Variants in FAT4 observed in about 807,000 individuals in gnomAD.
FAT4 encodes the protein FAT atypical cadherin 4, also known as protocadherin Fat 4.
FAT4 carries 84 observed loss-of-function variants against 303.9 expected under a neutral mutation model. The ratio of observed to expected loss-of-function variants is 0.28; its 90% CI spans 0.23 to 0.33. The LOEUF (loss-of-function observed/expected upper bound fraction) is 0.33. Among genes scored for constraint, FAT4 ranks in the 10% least tolerant of loss-of-function variants. The probability of loss-of-function intolerance (pLI) is 1.00; values close to 1 mark genes in which losing one functional copy is unlikely to be tolerated. For synonymous variants in FAT4, 2,307 were observed against 2,298.8 expected (o/e 1.00, Z -0.10); for missense variants, 6,005 against 6,146.8 (o/e 0.98, Z 0.77).
In FAT4 at chr4:125,315,441, G is replaced by A. The variant is rs1730536017; in HGVS notation, c.-549G>A. 1.3e-5 allele frequency among the ~76,000 whole-genome samples: 2 copies of A among 152,114 alleles called. No individual in the cohort carries two copies. The highest frequency in any genetic ancestry group is 1.9e-4 in the East Asian group (1 of 5,172). Reference sequence around the variant, plus strand: ...AGTGGGCTTCTGACTGGGGCCGCCGGAGAACGACCCCCCCTGGCATGGTGA... The same window carrying A: ...AGTGGGCTTCTGACTGGGGCCGCCGAAGAACGACCCCCCCTGGCATGGTGA... On this transcript the variant is annotated 5_prime_UTR_variant, in exon 1 of 18. Transcript: ENST00000394329.
intron 2 of FAT4, among the ~76,000 whole-genome samples, chr4:125,332,856 G>C (rs999683236): frequency 1.3e-5 from 2 of 152,048 alleles, no homozygotes; most frequent in African/African-American, 4.8e-5. Context: ...ACGTTTTCCT[G>C]GACAGAAAAG....
chr4:125,416,406 A>T, intron 6 of FAT4, 42 bp from the exon 7 acceptor site: 1 of 1,510,632 alleles, frequency 6.6e-7, no homozygotes, highest in Non-Finnish European at 8.9e-7. Context: ...CATGAGATGC[A>T]TTGTTTGTTT....
rs1307785384 is a variant in FAT4 at position 125,319,139 on chromosome 4, C to G, written c.2728C>G (p.His910Asp). ...TGTGGTGGAGAATTGGCAGGCAGGTCACAGCATTTTCCAGGCCAAAGCTGT... is the reference window on the plus strand; with the variant it reads ...TGTGGTGGAGAATTGGCAGGCAGGTGACAGCATTTTCCAGGCCAAAGCTGT... ...VNVVENWQAG[H>D]SIFQAKAVDP... is the part of the protein sequence containing the mutation. The change falls in exon 2 of 18, where the codon CAC becomes GAC. Residue 910 changes from histidine to aspartate, a missense_variant. Transcript: ENST00000394329. 6.2e-7 allele frequency: 1 copy of G among 1,614,064 alleles called. No homozygotes were observed. Among genetic ancestry groups the G allele is most frequent in the Admixed American group, 1.7e-5 (1 of 60,024 alleles).
At chr4:125,423,623 G>A (rs888124697) in intron 7 of FAT4, among the ~76,000 whole-genome samples, 2 of 152,232 alleles carry the variant, frequency 1.3e-5, no homozygotes, top group African/African-American at 4.8e-5. Flanking sequence ...TCATGGAGCT[G>A]TGAGAAGAAG....
chr4:125,415,750 C>G lies in FAT4; in HGVS notation c.6787C>G (p.Pro2263Ala). The G allele has an allele frequency of 6.2e-7, 1 of 1,613,872 alleles. No individual in the cohort carries two copies. The highest frequency in any genetic ancestry group is 8.5e-7 in the Non-Finnish European group (1 of 1,179,864). The change falls in exon 6 of 18, where the codon CCA becomes GCA. Residue 2263 changes from proline (P) to alanine (A), a missense_variant. Transcript: ENST00000394329. Reference protein sequence around the residue: ...NDFVPVFELSPYSVNVPENLG... With the variant: ...NDFVPVFELSAYSVNVPENLG... ...CTTTGTTCCTGTATTTGAGCTATCTCCATATTCTGTAAATGTCCCTGAGAA... is the reference window on the plus strand; with the variant it reads ...CTTTGTTCCTGTATTTGAGCTATCTGCATATTCTGTAAATGTCCCTGAGAA...
intron 2 of FAT4, among the ~76,000 whole-genome samples, chr4:125,395,615 G>A (rs915120964): frequency 6.6e-6 from 1 of 152,014 alleles, no homozygotes; most frequent in Admixed American, 6.6e-5. Flanking sequence ...CACCGCGCCC[G>A]GCCATTATTC....
intron 2 of FAT4, among the ~76,000 whole-genome samples, chr4:125,362,223 C>T (rs1163055032): frequency 1.3e-5 from 2 of 152,012 alleles, no homozygotes; most frequent in African/African-American, 4.8e-5. Flanking sequence ...TGTGTTTACA[C>T]ATAAACATTT....
At chr4:125,339,396 C>T (rs976585385) in intron 2 of FAT4, among the ~76,000 whole-genome samples, 1 of 152,032 alleles carries the variant, frequency 6.6e-6, no homozygotes, top group Non-Finnish European at 1.5e-5. Flanking sequence ...CGGGGTTTCA[C>T]CGTGTTAGCC....
At chr4:125,480,483 T>C (rs1727188741) in intron 15 of FAT4, among the ~76,000 whole-genome samples, 1 of 152,268 alleles carries the variant, frequency 6.6e-6, no homozygotes, top group African/African-American at 2.4e-5. Flanking sequence ...CACATCTCAC[T>C]AACTAACCCT....
At chr4:125,344,094 G>T (rs1731907441) in intron 2 of FAT4, among the ~76,000 whole-genome samples, 1 of 152,128 alleles carries the variant, frequency 6.6e-6, no homozygotes. Flanking sequence ...TCAATTACTA[G>T]AATGCAAAAA....
chr4:125,399,473 A>G (rs1734303335), intron 3 of FAT4, among the ~76,000 whole-genome samples: 1 of 151,940 alleles, frequency 6.6e-6, no homozygotes, highest in Non-Finnish European at 1.5e-5. Context: ...AGTTTAACTA[A>G]TGTTCTGGAG....
At chr4:125,470,002 A>G (rs1726802586) in intron 12 of FAT4, among the ~76,000 whole-genome samples, 1 of 152,202 alleles carries the variant, frequency 6.6e-6, no homozygotes. Context: ...TGAAAGTCCA[A>G]GTGACTCTTT....
intron 8 of FAT4, among the ~76,000 whole-genome samples, chr4:125,443,401 A>G (rs939869332): frequency 1.3e-5 from 2 of 152,156 alleles, no homozygotes; most frequent in Non-Finnish European, 2.9e-5. Flanking sequence ...TTCCGTCTTC[A>G]CTACATTCCC....
intron 7 of FAT4, among the ~76,000 whole-genome samples, chr4:125,417,084 C>T (rs533552847): frequency 3.9e-4 from 59 of 152,124 alleles, no homozygotes; most frequent in Non-Finnish European, 5.6e-4. Flanking sequence ...ATTGATGGCA[C>T]ATCATTCACT....
rs1390304779 is a variant in FAT4, at chr4:125,317,039, C to T, written c.628C>T (p.Arg210Cys). The T allele has an allele frequency of 6.2e-7, 1 of 1,614,026 alleles. No homozygotes were observed. Among genetic ancestry groups the T allele is most frequent in the East Asian group, 2.2e-5 (1 of 44,854 alleles). Residue 210 changes from arginine (R) to cysteine (C), a missense_variant, in exon 2 of 18, where the codon CGT becomes TGT. Arg to Cys is a radical substitution (Grantham distance 180). Coordinates refer to ENST00000394329, the MANE Select transcript of FAT4 (RefSeq NM_001291303.3). This position sits in a 1 kb window ranked among gnomAD's most constrained non-coding sequence, Gnocchi z 7.0. The stretch of plus-strand genomic sequence containing the variant: ...TCTGGTGTCCAAGGGCGGACTGGAC[C>T]GTGAGGTCACTCCGCAGTACCAGCT... ...LHLVSKGGLDREVTPQYQLLV... is the reference protein window; with the variant it reads ...LHLVSKGGLDCEVTPQYQLLV...
rs555872298 is a variant in FAT4, at chr4:125,451,432, C to G, written c.10422C>G (p.Thr3474=). ...TTACTGCAGAATTAGATCGAGAAAC[C>G]CTTCCCATCTATAATCTCTCAGTTT... ...ITVTAELDRE[T]LPIYNLSVLA... Residue 3474 remains threonine (T), a synonymous_variant, in exon 10 of 18, where the codon ACC becomes ACG. Transcript: ENST00000394329. 3.1e-6 allele frequency: 5 copies of G among 1,614,098 alleles called. No homozygotes were observed. In the East Asian group the frequency reaches 6.7e-5, roughly 22 times the overall value.
Position 125,452,427 on chromosome 4 carries a change from A to T in FAT4, c.11417A>T (p.Asp3806Val). 6.2e-7 allele frequency: 1 copy of T among 1,613,760 alleles called. No individual in the cohort carries two copies. Among genetic ancestry groups the T allele is most frequent in the Non-Finnish European group, 8.5e-7 (1 of 1,179,956 alleles). The change falls in exon 10 of 18, where the codon GAC (aspartate) becomes GTC (valine). Residue 3806 changes from aspartate to valine, a missense_variant. Coordinates refer to ENST00000394329, the MANE Select transcript of FAT4 (RefSeq NM_001291303.3). ...SGVKVESVDH[D>V]SCVHGPCQNG... ...GTAAAGGTGGAATCTGTGGATCATG[A>T]CTCCTGTGTGCATGGCCCATGTCAG...
chr4:125,354,703 G>A (rs1408679829), intron 2 of FAT4, among the ~76,000 whole-genome samples: 1 of 147,422 alleles, frequency 6.8e-6, no homozygotes, highest in Non-Finnish European at 1.5e-5. Context: ...AAGAATGAAG[G>A]TAATATTGGT....
At chr4:125,366,718 G>A (rs1018318692) in intron 2 of FAT4, among the ~76,000 whole-genome samples, 10 of 151,908 alleles carry the variant, frequency 6.6e-5, no homozygotes, top group Non-Finnish European at 1.2e-4. Context: ...TCCCACCTAC[G>A]GTGTACACAT....
Sources: gnomAD v4.1 joint callset for allele counts (sites outside exome capture counted in the v4.1 genomes callset) on GRCh38, gnomAD v4.1.1 for gene constraint, Gnocchi (gnomAD v3.1) non-coding constraint, MANE v1.5 for transcripts, NCBI Gene and HGNC (gene_info 2026-07-23, HGNC 2026-07-21) for gene names.